Variants in PARP15 observed in about 807,000 individuals in gnomAD.
PARP15 encodes the protein poly(ADP-ribose) polymerase family member 15.
A neutral mutation model predicts 62.1 loss-of-function variants in PARP15; 50 were observed. The ratio of observed to expected loss-of-function variants is 0.81; its 90% CI spans 0.64 to 1.02. The LOEUF is 1.02. Ranked by LOEUF, PARP15 falls within the 50% of genes least tolerant of loss-of-function variation. The pLI is 0.00. For missense variants in PARP15, 820 were observed against 826.5 expected (o/e 0.99, Z 0.10); for synonymous variants, 309 against 293.1 (o/e 1.05, Z -0.55).
Position 122,613,142 on chromosome 3 carries a change from C to G in PARP15, c.645C>G (p.Pro215=). 1.3e-6 allele frequency: 2 copies of G among 1,551,682 alleles called. No individual in the cohort carries two copies. Among genetic ancestry groups the G allele is most frequent in the Non-Finnish European group, 1.7e-6 (2 of 1,146,942 alleles). ...PMIGTGSLQF[P]KAVFAKLILS... ...TTGGAACAGGAAGTTTGCAGTTTCCCAAAGCTGTTTTTGCTAAACTAATCC... is the reference window on the plus strand; with the variant it reads ...TTGGAACAGGAAGTTTGCAGTTTCCGAAAGCTGTTTTTGCTAAACTAATCC... Residue 215 remains proline (P), a synonymous_variant, in exon 4 of 12, where the codon CCC becomes CCG. Transcript: ENST00000464300.
Position 122,579,256 on chromosome 3 carries a change from T to C in PARP15, c.186+1403T>C, listed in dbSNP as rs371095548. On this transcript the variant is annotated intron_variant, in intron 1 of 11. Coordinates refer to ENST00000464300, the MANE Select transcript of PARP15 (RefSeq NM_001113523.3). ...CACATAAAACATTTCAATTTTTCTT[T>C]TTTCTCAATATTATATATGAGGTTT... Among the ~76,000 whole-genome samples the C allele has an allele frequency of 5.3e-5, 8 of 152,322 alleles. No homozygotes were observed. In the East Asian group the frequency reaches 1.2e-3, roughly 22 times the overall value.
chr3:122,617,865 A>T (rs1936088477), intron 6 of PARP15, among the ~76,000 whole-genome samples: 1 of 152,094 alleles, frequency 6.6e-6, no homozygotes, highest in South Asian at 2.1e-4. Context: ...AGTAGCTGGG[A>T]CTACAGGCAT....
intron 1 of PARP15, among the ~76,000 whole-genome samples, chr3:122,583,710 A>G (rs921835361): frequency 2.0e-5 from 3 of 152,180 alleles, no homozygotes. Flanking sequence ...TTTTTCCACC[A>G]TGGAGGCAAA....
chr3:122,581,412 C>A (rs998445631), intron 1 of PARP15, among the ~76,000 whole-genome samples: 8 of 152,174 alleles, frequency 5.3e-5, no homozygotes, highest in Non-Finnish European at 1.5e-5. Flanking sequence ...ATCTTCCTTT[C>A]CTTTCCTTTT....
chr3:122,598,274 G>A (rs866134910), intron 1 of PARP15, among the ~76,000 whole-genome samples: 1 of 152,156 alleles, frequency 6.6e-6, no homozygotes, highest in Non-Finnish European at 1.5e-5. Context: ...CAAAACTTGG[G>A]TGTTTTAGAT....
chr3:122,583,114 CTT>C (rs67942585), intron 1 of PARP15, among the ~76,000 whole-genome samples: 3 of 83,476 alleles, frequency 3.6e-5, no homozygotes, highest in African/African-American at 1.1e-4. Flanking sequence ...TCATCTGTAT[CTT>C]TTTTTTTTTT....
Position 122,615,838 on chromosome 3 carries a change from C to T in PARP15, c.831C>T (p.Pro277=), listed in dbSNP as rs1265898100. ...SRINPNKARI[P]MAGDTQGVVG... Reference sequence around the variant, plus strand: ...TAAATCCCAACAAGGCCAGGATTCCCATGGCAGGAGATACCCAAGGTCTGG... The same window carrying T: ...TAAATCCCAACAAGGCCAGGATTCCTATGGCAGGAGATACCCAAGGTCTGG... Residue 277 remains proline, a synonymous_variant, in exon 5 of 12, where the codon CCC becomes CCT. Coordinates refer to ENST00000464300, the MANE Select transcript of PARP15 (RefSeq NM_001113523.3). 6 of 1,613,160 alleles carry T rather than the reference C, an allele frequency of 3.7e-6. No individual in the cohort carries two copies. The highest frequency in any genetic ancestry group is 5.1e-6 in the Non-Finnish European group (6 of 1,179,440).
rs1937268299 is a variant in PARP15, at chr3:122,635,039, C to T, written c.1592C>T (p.Ala531Val). The T allele has an allele frequency of 6.2e-6, 10 of 1,613,962 alleles. No individual in the cohort carries two copies. Among genetic ancestry groups the T allele is most frequent in the Non-Finnish European group, 8.5e-6 (10 of 1,179,952 alleles). Residue 531 changes from alanine (A) to valine (V), a missense_variant, in exon 11 of 12, where the codon GCA becomes GTA. Around this residue, in one of 3 missense-constraint regions of PARP15, gnomAD observed 731 missense variants for 727.7 expected, o/e 1.00. Transcript: ENST00000464300. ...AIEKIERIQN[A>V]FLWQSYQVKK... ...CTGCAGATTGAGAGGATACAGAATG[C>T]ATTTCTCTGGCAGAGCTACCAGGTA...
In PARP15 at chr3:122,634,890, T is replaced by C. The variant is rs1406885021; in HGVS notation, c.1573-130T>C. The stretch of plus-strand genomic sequence containing the variant: ...AATTTGCTGTCTATTTGTATTTTCT[T>C]CTCCTTTTCCTTCACCAAATTCTCT... On this transcript the variant is annotated intron_variant, in intron 10 of 11. Coordinates refer to ENST00000464300, the MANE Select transcript of PARP15 (RefSeq NM_001113523.3). 4.4e-6 allele frequency: 4 copies of C among 906,514 alleles called. No homozygotes were observed. In the African/African-American group the frequency reaches 5.1e-5, roughly 11 times the overall value. 56.2% of individuals were successfully genotyped at this position (906,514 alleles called of 1,614,324 possible). A position where few individuals can be genotyped will look rare whatever the true frequency, so the allele number is the denominator to read the frequency against.
intron 1 of PARP15, among the ~76,000 whole-genome samples, chr3:122,578,122 T>G (rs1273051318): frequency 6.6e-6 from 1 of 151,896 alleles, no homozygotes; most frequent in East Asian, 1.9e-4. Flanking sequence ...CCTTTATTCG[T>G]GATATGTGTT....
chr3:122,587,616 C>T (rs1038080421), intron 1 of PARP15, among the ~76,000 whole-genome samples: 2 of 152,206 alleles, frequency 1.3e-5, no homozygotes, highest in Non-Finnish European at 2.9e-5. Context: ...GCAGCCGCAA[C>T]CTCCTGGGAT....
chr3:122,602,815 G>C (rs904258846), intron 1 of PARP15, among the ~76,000 whole-genome samples: 2 of 152,144 alleles, frequency 1.3e-5, no homozygotes, highest in Non-Finnish European at 2.9e-5. Context: ...AAACTTTATG[G>C]CTAAGTAAAC....
intron 1 of PARP15, among the ~76,000 whole-genome samples, chr3:122,586,156 T>C (rs929714157): frequency 6.6e-6 from 1 of 152,228 alleles, no homozygotes; most frequent in African/African-American, 2.4e-5. Context: ...AACCCAACTT[T>C]CCCAGCAATA....
chr3:122,597,234 A>G (rs1313056806), intron 1 of PARP15, among the ~76,000 whole-genome samples: 2 of 152,174 alleles, frequency 1.3e-5, no homozygotes, highest in African/African-American at 4.8e-5. Context: ...TGAGGGCTCC[A>G]CACTTATGAC....
chr3:122,608,511 C>T (rs1363656645), intron 2 of PARP15, among the ~76,000 whole-genome samples: 5 of 152,214 alleles, frequency 3.3e-5, no homozygotes, highest in South Asian at 2.1e-4. Context: ...CCACCACACC[C>T]GGCCACAATC....
chr3:122,585,118 G>C (rs1933316415), intron 1 of PARP15, among the ~76,000 whole-genome samples: 1 of 152,038 alleles, frequency 6.6e-6, no homozygotes, highest in Non-Finnish European at 1.5e-5. Context: ...AACTAAACTG[G>C]GTCTATTTGC....
chr3:122,577,927 C>G, intron 1 of PARP15, 74 bp downstream of exon 1: 3 of 1,425,024 alleles, frequency 2.1e-6, no homozygotes, highest in Non-Finnish European at 2.8e-6. Context: ...CCCAGCAGCC[C>G]GAGCGGGCGC....
Position 122,635,164 on chromosome 3 carries a change from G to A in PARP15, c.1717G>A (p.Gly573Ser), listed in dbSNP as rs781325096. ...ADSVPYVNQH[G>S]FNRSCAGKNA... ...CTCAGTGCCATATGTCAATCAGCAC[G>A]GCTTTAATAGAAGTTGTGCTGGGAA... Residue 573 changes from glycine to serine, a missense_variant, in exon 11 of 12, where the codon GGC (glycine) becomes AGC (serine). Physicochemically the swap from Gly to Ser is moderately conservative, Grantham distance 56. Transcript: ENST00000464300. 2.6e-5 allele frequency: 42 copies of A among 1,613,488 alleles called. No individual in the cohort carries two copies. Among genetic ancestry groups the A allele is most frequent in the East Asian group, 4.5e-5 (2 of 44,888 alleles).
chr3:122,597,085 C>G (rs998622062), intron 1 of PARP15, among the ~76,000 whole-genome samples: 1 of 152,274 alleles, frequency 6.6e-6, no homozygotes, highest in African/African-American at 2.4e-5. Flanking sequence ...AGTCCAAGAT[C>G]AAAACACTAG....
Sources: gnomAD v4.1 joint callset for allele counts (sites outside exome capture counted in the v4.1 genomes callset) on GRCh38, gnomAD v4.1.1 for gene constraint, gnomAD v4.1.1 regional missense constraint, MANE v1.5 for transcripts, NCBI Gene and HGNC (gene_info 2026-07-23, HGNC 2026-07-21) for gene names.